The following BRD10 variants were observed in gnomAD, a reference collection of about 807,000 sequenced individuals.
BRD10 encodes bromodomain containing 10.
the BRD10 span, chr9:5,919,793 A>G: frequency 3.1e-6 from 5 of 1,613,756 alleles, no homozygotes; most frequent in Non-Finnish European, 4.2e-6. Flanking sequence ...AGATGGAGAG[A>G]GTGAAGAAAC....
chr9:5,952,032 T>TTTAC, the BRD10 span, among the ~76,000 whole-genome samples: 6 of 151,624 alleles, frequency 4.0e-5, no homozygotes, highest in South Asian at 1.2e-3. Flanking sequence ...TATTTATTTA[T>TTTAC]TTATTTAGAG....
chr9:5,920,161 T>C, the BRD10 span: 67 of 1,613,894 alleles, frequency 4.2e-5, no homozygotes, highest in Middle Eastern at 1.6e-4. Context: ...TATTTGATGC[T>C]AGTGTGATCT....
chr9:5,890,095 C>G, the BRD10 span, among the ~76,000 whole-genome samples: 1 of 152,078 alleles, frequency 6.6e-6, no homozygotes, highest in African/African-American at 2.4e-5. Flanking sequence ...CTCTTCAACC[C>G]TTTGAGATGG....
At chr9:5,972,471 A>C in the BRD10 span, among the ~76,000 whole-genome samples, 1 of 152,228 alleles carries the variant, frequency 6.6e-6, no homozygotes, top group East Asian at 1.9e-4. Flanking sequence ...CCAATGCTGA[A>C]AGCGCAGCCC....
chr9:5,941,016 C>G, the BRD10 span, among the ~76,000 whole-genome samples: 87,383 of 151,882 alleles, frequency 0.58, 26,874 homozygotes, highest in Non-Finnish European at 0.71. Flanking sequence ...TACCCAATCT[C>G]TACAAGGGTC....
At chr9:5,880,419 G>A in the BRD10 span, among the ~76,000 whole-genome samples, 1 of 151,674 alleles carries the variant, frequency 6.6e-6, no homozygotes. Flanking sequence ...GGCTGATGCA[G>A]GAGAGAACTG....
At chr9:5,995,564 A>G in the BRD10 span, among the ~76,000 whole-genome samples, 2 of 152,060 alleles carry the variant, frequency 1.3e-5, no homozygotes, top group Admixed American at 1.3e-4. Flanking sequence ...TCACATCTCA[A>G]TCTATAATGT....
the BRD10 span, chr9:5,969,266 T>A: frequency 6.2e-7 from 1 of 1,613,940 alleles, no homozygotes; most frequent in Non-Finnish European, 8.5e-7. Context: ...AAAGACTATT[T>A]CTGGCAAATT....
At chr9:6,008,406 C>T in the BRD10 span, 1,652 of 606,296 alleles carry the variant, frequency 2.7e-3, 7 homozygotes, top group Middle Eastern at 9.2e-3. Context: ...GGGGAGGGCA[C>T]TCAGCCCCCC....
chr9:5,992,942 T>C, the BRD10 span, among the ~76,000 whole-genome samples: 2 of 152,076 alleles, frequency 1.3e-5, no homozygotes, highest in African/African-American at 4.8e-5. Context: ...TCTTTTGCTA[T>C]CAAAAACAAT....
the BRD10 span, among the ~76,000 whole-genome samples, chr9:5,914,617 G>T: frequency 2.0e-5 from 3 of 151,706 alleles, no homozygotes; most frequent in African/African-American, 7.3e-5. Context: ...TAGAGACGGG[G>T]TTTCACCGCA....
chr9:5,928,549 C>A, the BRD10 span, among the ~76,000 whole-genome samples: 2 of 152,162 alleles, frequency 1.3e-5, no homozygotes, highest in Admixed American at 1.3e-4. Flanking sequence ...GCTCTGGTTA[C>A]ACTTGCCTCT....
the BRD10 span, among the ~76,000 whole-genome samples, chr9:5,935,677 A>G: frequency 3.3e-5 from 5 of 152,214 alleles, no homozygotes; most frequent in African/African-American, 1.2e-4. Flanking sequence ...AAGTAATGGC[A>G]TGTTTATTTG....
At chr9:5,943,512 G>T in the BRD10 span, among the ~76,000 whole-genome samples, 26 of 148,832 alleles carry the variant, frequency 1.7e-4, 1 homozygote, top group Middle Eastern at 3.5e-3. Flanking sequence ...TTCCCATTAA[G>T]GAACAGAATT....
the BRD10 span, among the ~76,000 whole-genome samples, chr9:5,955,509 T>C: frequency 1.3e-5 from 2 of 152,234 alleles, no homozygotes; most frequent in Admixed American, 6.5e-5. Flanking sequence ...GTCAACTCAA[T>C]TGACACAATT....
chr9:5,937,535 C>CA, the BRD10 span, among the ~76,000 whole-genome samples: 7 of 151,412 alleles, frequency 4.6e-5, no homozygotes, highest in Non-Finnish European at 8.8e-5. Context: ...ACTCCGTTTA[C>CA]AAAAAAAAGA....
chr9:5,972,648 G>A, the BRD10 span, among the ~76,000 whole-genome samples: 11 of 152,282 alleles, frequency 7.2e-5, no homozygotes, highest in South Asian at 8.3e-4. Context: ...CACGTGATAT[G>A]TTGGCTCCCC....
At chr9:5,973,219 C>T in the BRD10 span, among the ~76,000 whole-genome samples, 2 of 152,184 alleles carry the variant, frequency 1.3e-5, no homozygotes, top group Non-Finnish European at 2.9e-5. Flanking sequence ...GTAATCTCAG[C>T]ACTTTGGGAG....
chr9:5,892,274 C>T, the BRD10 span, among the ~76,000 whole-genome samples: 2 of 152,128 alleles, frequency 1.3e-5, no homozygotes, highest in East Asian at 1.9e-4. Context: ...TGAGCTATTG[C>T]TAAAGCCCTT....
Sources: gnomAD v4.1 joint callset for allele counts (sites outside exome capture counted in the v4.1 genomes callset) on GRCh38, gnomAD v4.1.1 for gene constraint, MANE v1.5 for transcripts, NCBI Gene and HGNC (gene_info 2026-07-23, HGNC 2026-07-21) for gene names.